Variants in TMEM50B observed in about 807,000 individuals in gnomAD.
TMEM50B encodes the protein transmembrane protein 50B, also known as HCV p7-trans-regulated protein 3.
TMEM50B carries 14 observed loss-of-function variants against 23.4 expected under a neutral mutation model. That is an observed-to-expected ratio of 0.60 (90% CI 0.39 to 0.93). The LOEUF (loss-of-function observed/expected upper bound fraction) is 0.93. Among genes scored for constraint, TMEM50B ranks in the 40% least tolerant of loss-of-function variants. The pLI is 0.00. For synonymous variants in TMEM50B, 64 were observed against 62.3 expected (o/e 1.03, Z -0.13); for missense variants, 159 against 193.0 (o/e 0.82, Z 1.04).
At chr21:33,466,541 C>A (rs979306619) in intron 3 of TMEM50B, among the ~76,000 whole-genome samples, 2 of 151,890 alleles carry the variant, frequency 1.3e-5, no homozygotes, top group Non-Finnish European at 2.9e-5. Context: ...ACAACACCTA[C>A]GGGTGATTTA....
downstream of TMEM50B, among the ~76,000 whole-genome samples, chr21:33,445,659 G>A (rs549959275): frequency 2.7e-3 from 415 of 152,276 alleles, 2 homozygotes; most frequent in African/African-American, 3.6e-3. Context: ...TTAGCCAGGC[G>A]TGGTGGCATG....
chr21:33,434,452 GT>G (rs2083923557), intron 8 of TMEM50B, among the ~76,000 whole-genome samples: 1 of 152,150 alleles, frequency 6.6e-6, no homozygotes, highest in Non-Finnish European at 1.5e-5. Flanking sequence ...AACCCAGGAG[GT>G]GGAAGTTACA....
rs1211783219 is a variant in TMEM50B, at chr21:33,459,329, C to T, written c.373+1084G>A. Among the ~76,000 whole-genome samples, 4 of 152,238 alleles carry T rather than the reference C, an allele frequency of 2.6e-5. No homozygotes were observed. In the East Asian group the frequency reaches 7.7e-4, roughly 29 times the overall value. On this transcript the variant is annotated intron_variant, in intron 5 of 6. Coordinates refer to ENST00000542230, the MANE Select transcript of TMEM50B (RefSeq NM_006134.7). ...TGTATGAAGAGTATACATATGTGTT[C>T]AGTCTTGCCCTTAAAAAACTCCCCC...
Position 33,455,799 on chromosome 21 carries a change from TAA to T in TMEM50B, c.374-17_374-16del. 6.2e-7 allele frequency: 1 copy of T among 1,606,006 alleles called. No individual in the cohort carries two copies. ...AACATCAGTATCTACATACACAAAGTAAAACAGATTAGACGGTTATATAGGCA... is the reference window on the plus strand; with the variant it reads ...AACATCAGTATCTACATACACAAAGTAACAGATTAGACGGTTATATAGGCA... On this transcript the variant is annotated splice_polypyrimidine_tract_variant and intron_variant, in intron 5 of 6. Transcript: ENST00000542230.
chr21:33,461,997 A>G (rs2084221386), intron 4 of TMEM50B, among the ~76,000 whole-genome samples: 1 of 152,058 alleles, frequency 6.6e-6, no homozygotes, highest in Non-Finnish European at 1.5e-5. Context: ...AAACTGTAAC[A>G]TTTTCTCTTG....
rs375538161 is a variant in TMEM50B at position 33,432,876 on chromosome 21, G to A, written c.*2121-74C>T. The A allele has an allele frequency of 1.0e-4, 162 of 1,608,408 alleles. No individual in the cohort carries two copies. Among genetic ancestry groups the A allele is most frequent in the Middle Eastern group, 3.3e-4 (2 of 5,974 alleles). ...ATCCCATTACAGATAGAAGAGGTAC[G>A]TGTGCACACATCTCTTTTTTTTTTT... On this transcript the variant is annotated intron_variant and NMD_transcript_variant, in intron 8 of 8. Coordinates refer to the TMEM50B transcript ENST00000420455.
At chr21:33,446,261 C>T (rs1188214454), downstream of TMEM50B, among the ~76,000 whole-genome samples, 1 of 145,396 alleles carries the variant, frequency 6.9e-6, no homozygotes, top group African/African-American at 2.5e-5. Context: ...TTTTTTGAGA[C>T]AGTCTTGCTC....
chr21:33,450,831 T>G lies in TMEM50B; in HGVS notation c.464A>C (p.Glu155Ala). The change falls in exon 7 of 7, where the codon GAG becomes GCG. Residue 155 changes from glutamate (E) to alanine (A), a missense_variant. Physicochemically the swap from Glu to Ala is moderately radical, Grantham distance 107 (BLOSUM62 -1). Coordinates refer to ENST00000542230, the MANE Select transcript of TMEM50B (RefSeq NM_006134.7). ...TLIYKFGRTE[E>A]LWT ...TAAGAAGTGATCTCAGGTCCATAGC[T>G]CTTCGGTTCTTCCAAATTTGTAGAT... 6.2e-7 allele frequency: 1 copy of G among 1,613,146 alleles called. No homozygotes were observed. The highest frequency in any genetic ancestry group is 1.1e-5 in the South Asian group (1 of 90,980).
downstream of TMEM50B, among the ~76,000 whole-genome samples, chr21:33,448,628 C>A (rs1271775241): frequency 1.3e-5 from 2 of 151,958 alleles, no homozygotes; most frequent in Non-Finnish European, 1.5e-5. Flanking sequence ...CTACAGGTGA[C>A]CCCCACCACG....
At chr21:33,465,435 G>A (rs1463463440) in intron 3 of TMEM50B, 26 bp from the exon 4 acceptor site, 1 of 1,580,530 alleles carries the variant, frequency 6.3e-7, no homozygotes, top group Non-Finnish European at 8.6e-7. Context: ...ATCATCAAAT[G>A]AATTTCAGTA....
At chr21:33,464,085 C>T (rs2084241840) in intron 4 of TMEM50B, among the ~76,000 whole-genome samples, 1 of 152,158 alleles carries the variant, frequency 6.6e-6, no homozygotes, top group Admixed American at 6.6e-5. Flanking sequence ...AAAGCATGGG[C>T]TCTGGAGCCA....
At chr21:33,443,041 GT>G (rs1335281421) in intron 7 of TMEM50B, among the ~76,000 whole-genome samples, 2 of 152,044 alleles carry the variant, frequency 1.3e-5, no homozygotes, top group Non-Finnish European at 2.9e-5. Flanking sequence ...AATTCAACTC[GT>G]TTCATTTCTA....
chr21:33,440,422 T>C (rs1291493185), intron 7 of TMEM50B, among the ~76,000 whole-genome samples: 1 of 151,892 alleles, frequency 6.6e-6, no homozygotes, highest in Admixed American at 6.6e-5. Flanking sequence ...ACACCGTCTC[T>C]ACTAAAAATA....
chr21:33,441,328 C>A (rs2084007174), intron 7 of TMEM50B, among the ~76,000 whole-genome samples: 1 of 152,084 alleles, frequency 6.6e-6, no homozygotes. Flanking sequence ...GAGAGGCTCT[C>A]TGAAAGGAAA....
intron 7 of TMEM50B, among the ~76,000 whole-genome samples, chr21:33,443,405 T>G (rs59623309): frequency 0.13 from 19,978 of 152,016 alleles, 1,377 homozygotes; most frequent in Admixed American, 0.18. Flanking sequence ...GGTACATTCC[T>G]GTAGGCTGTG....
intron 7 of TMEM50B, among the ~76,000 whole-genome samples, chr21:33,442,173 T>A (rs943586090): frequency 6.6e-6 from 1 of 152,148 alleles, no homozygotes; most frequent in Admixed American, 6.6e-5. Flanking sequence ...GCTGTCCTTC[T>A]GTTTGATGAG....
chr21:33,452,100 T>C (rs1015966813), intron 6 of TMEM50B, among the ~76,000 whole-genome samples: 5 of 152,234 alleles, frequency 3.3e-5, no homozygotes, highest in African/African-American at 9.6e-5. Context: ...AGTGGATTCA[T>C]CTACCACCAC....
At chr21:33,433,384 A>T (rs2083909588) in intron 8 of TMEM50B, among the ~76,000 whole-genome samples, 1 of 152,234 alleles carries the variant, frequency 6.6e-6, no homozygotes, top group African/African-American at 2.4e-5. Flanking sequence ...GGATTAATAG[A>T]TAAATCTTTA....
At chr21:33,447,665 G>A (rs542005689), downstream of TMEM50B, among the ~76,000 whole-genome samples, 8 of 143,206 alleles carry the variant, frequency 5.6e-5, no homozygotes, top group African/African-American at 7.7e-5. Flanking sequence ...TCAAGTCAAC[G>A]TCTTGTGTAT....
Sources: gnomAD v4.1 joint callset for allele counts (sites outside exome capture counted in the v4.1 genomes callset) on GRCh38, gnomAD v4.1.1 for gene constraint, MANE v1.5 for transcripts, NCBI Gene and HGNC (gene_info 2026-07-23, HGNC 2026-07-21) for gene names.